TNN: variants seen among roughly 807,000 people sequenced by gnomAD.
TNN encodes tenascin-N.
A neutral mutation model predicts 134.4 loss-of-function variants in TNN; 122 were observed. That is an observed-to-expected ratio of 0.91 (90% CI 0.78 to 1.06). The LOEUF is 1.06. Ranked by LOEUF, TNN falls within the 50% of genes least tolerant of loss-of-function variation. The pLI is 0.00. For synonymous variants in TNN, 710 were observed against 670.3 expected (o/e 1.06, Z -0.91); for missense variants, 1,739 against 1,699.4 (o/e 1.02, Z -0.41).
intron 9 of TNN, among the ~76,000 whole-genome samples, chr1:175,115,265 G>T (rs1340073466): frequency 2.6e-5 from 4 of 152,130 alleles, no homozygotes; most frequent in Non-Finnish European, 4.4e-5. Context: ...ATGCTGGATG[G>T]CCTCAACACC....
chr1:175,128,644 C>T lies in TNN; in HGVS notation c.3228C>T (p.Asn1076=). 6.2e-7 allele frequency: 1 copy of T among 1,614,020 alleles called. No homozygotes were observed. The highest frequency in any genetic ancestry group is 1.7e-5 in the Admixed American group (1 of 60,004). ...HPSDCSQVQQ[N]SNAASGLYTI... ...CGGACTGCAGTCAGGTTCAGCAGAACAGCAATGCCGCCAGTGGTCTGTACA... is the reference window on the plus strand; with the variant it reads ...CGGACTGCAGTCAGGTTCAGCAGAATAGCAATGCCGCCAGTGGTCTGTACA... Residue 1076 remains asparagine, a synonymous_variant, in exon 15 of 19, where the codon AAC becomes AAT. Coordinates refer to ENST00000239462, the MANE Select transcript of TNN (RefSeq NM_022093.2).
At position 175,147,342 on chromosome 1, in the gene TNN, T is replaced by G. The variant is rs1368558672; in HGVS notation, c.*271T>G. The G allele has an allele frequency of 6.2e-6, 2 of 321,806 alleles. No individual in the cohort carries two copies. The highest frequency in any genetic ancestry group is 1.1e-5 in the Non-Finnish European group (2 of 178,186). 19.9% of individuals were successfully genotyped at this position (321,806 alleles called of 1,614,324 possible). On this transcript the variant is annotated 3_prime_UTR_variant, in exon 19 of 19. Transcript: ENST00000239462. ...TTCTCAGCTTATCTTCAGCAACATA[T>G]ATACTGGATTAGGGCAAGAGAAGGA...
At chr1:175,144,606 A>G (rs1676021140) in intron 18 of TNN, 56 bp downstream of exon 18, 1 of 1,567,742 alleles carries the variant, frequency 6.4e-7, no homozygotes, top group South Asian at 1.2e-5. Flanking sequence ...TTCAGCTTCC[A>G]AATGGACACC....
intron 15 of TNN, among the ~76,000 whole-genome samples, chr1:175,131,780 A>G (rs1171471180): frequency 6.6e-6 from 1 of 152,196 alleles, no homozygotes; most frequent in African/African-American, 2.4e-5. Context: ...TTAATCTAAC[A>G]GTTTAGAAAA....
rs1181791297 is a variant in TNN at position 175,083,860 on chromosome 1, C to T, written c.1159C>T (p.Pro387Ser). Reference sequence around the variant, plus strand: ...GGACTACTACAAGCTGCGATATGGCCCCATGACAGGACAGGAGGTAGCTGA... The same window carrying T: ...GGACTACTACAAGCTGCGATATGGCTCCATGACAGGACAGGAGGTAGCTGA... Reference protein sequence around the residue: ...EVDYYKLRYGPMTGQEVAEVT... With the variant: ...EVDYYKLRYGSMTGQEVAEVT... The change falls in exon 5 of 19, where the codon CCC (proline) becomes TCC (serine). Residue 387 changes from proline (P) to serine (S), a missense_variant. Coordinates refer to ENST00000239462, the MANE Select transcript of TNN (RefSeq NM_022093.2). The T allele has an allele frequency of 1.2e-6, 2 of 1,614,150 alleles. No individual in the cohort carries two copies. Among genetic ancestry groups the T allele is most frequent in the Non-Finnish European group, 1.7e-6 (2 of 1,180,028 alleles).
chr1:175,075,516 G>A (rs948559548), intron 1 of TNN, among the ~76,000 whole-genome samples: 5 of 152,122 alleles, frequency 3.3e-5, no homozygotes, highest in African/African-American at 7.2e-5. Context: ...GACTGGTCTC[G>A]AACTCCTGGC....
At chr1:175,095,722 C>T (rs930871340) in intron 7 of TNN, among the ~76,000 whole-genome samples, 6 of 152,138 alleles carry the variant, frequency 3.9e-5, no homozygotes, top group African/African-American at 1.2e-4. Flanking sequence ...TTCAGGCACC[C>T]GCCACCACGC....
At position 175,098,513 on chromosome 1, in the gene TNN, A is replaced by G. The variant is rs61739659; in HGVS notation, c.2037A>G (p.Arg679=). The part of the protein sequence containing the change: ...EQSSTVLTGL[R]PGMEYMVHVW... ...GCAGCACAGTCCTGACAGGCCTGAG[A>G]CCGGGTATGGAGTACATGGTGCACG... The change falls in exon 9 of 19, where the codon AGA becomes AGG. Residue 679 remains arginine (R), a synonymous_variant. Transcript: ENST00000239462. The G allele has an allele frequency of 2.3e-3, 3,771 of 1,614,070 alleles. 74 individuals carry two copies. The African/African-American group carries it at 0.045, about 19-fold the overall frequency.
intron 17 of TNN, among the ~76,000 whole-genome samples, chr1:175,143,434 G>A (rs1309090390): frequency 2.0e-5 from 3 of 152,116 alleles, no homozygotes; most frequent in Non-Finnish European, 4.4e-5. Context: ...AATTAAAGCA[G>A]TTTTCCAGAT....
intron 17 of TNN, among the ~76,000 whole-genome samples, chr1:175,137,747 G>A (rs1320980257): frequency 6.6e-6 from 1 of 152,016 alleles, no homozygotes; most frequent in Non-Finnish European, 1.5e-5. Context: ...CAAGTGTTTT[G>A]ACATTTGCCT....
intron 1 of TNN, among the ~76,000 whole-genome samples, chr1:175,074,287 A>C (rs1397786768): frequency 1.3e-5 from 2 of 152,124 alleles, no homozygotes; most frequent in African/African-American, 4.8e-5. Context: ...ATTCGAGACC[A>C]GGTTGGGCAA....
chr1:175,146,476 G>A (rs768899590), intron 18 of TNN, among the ~76,000 whole-genome samples: 27 of 152,166 alleles, frequency 1.8e-4, no homozygotes, highest in Non-Finnish European at 3.2e-4. Flanking sequence ...TTACCCCAGA[G>A]CTAATATCTA....
Position 175,103,641 on chromosome 1 carries a change from CT to C in TNN, c.2119+5055del, listed in dbSNP as rs1304189132. Among the ~76,000 whole-genome samples the C allele has an allele frequency of 2.3e-4, 33 of 143,440 alleles. 3 individuals carry two copies. The highest frequency in any genetic ancestry group is 8.1e-4 in the African/African-American group (32 of 39,594). The allele number at this position is 143,440 out of a possible 152,430, so 94.1% of individuals were successfully genotyped here. ...TCTTTGTCTTTTCCTTTCTTCTTAA[CT>C]TTTTTTTTGACTTTCTGTGTCTGTC... is the stretch of plus-strand genomic sequence containing the variant. On this transcript the variant is annotated intron_variant, in intron 9 of 18. Transcript: ENST00000239462.
intron 9 of TNN, among the ~76,000 whole-genome samples, chr1:175,112,598 CTTTTTTTTTTTTTTTTTTTTT>C (rs767531767): frequency 9.1e-5 from 2 of 21,974 alleles, no homozygotes; most frequent in Admixed American, 8.2e-4. Flanking sequence ...GCCGGCCGAT[CTTTTTTTTTTTTTTTTTTTTT>C]TTTTTTTTTT....
chr1:175,107,687 T>G (rs541550777), intron 9 of TNN, among the ~76,000 whole-genome samples: 29,586 of 128,780 alleles, frequency 0.23, 4,240 homozygotes, highest in African/African-American at 0.3. Context: ...TTATTGTCTT[T>G]TCTGGCCCCA....
chr1:175,086,551 G>A (rs1387694060), intron 6 of TNN, among the ~76,000 whole-genome samples: 1 of 152,202 alleles, frequency 6.6e-6, no homozygotes, highest in Non-Finnish European at 1.5e-5. Context: ...TAAAGAAGGA[G>A]TCTTTGAGTT....
chr1:175,105,014 A>G (rs1457746328), intron 9 of TNN, among the ~76,000 whole-genome samples: 1 of 145,724 alleles, frequency 6.9e-6, no homozygotes, highest in Non-Finnish European at 1.5e-5. Context: ...CATACTGGGG[A>G]TGGCTTGCTG....
chr1:175,135,026 C>T (rs1360789200), intron 15 of TNN, among the ~76,000 whole-genome samples: 1 of 152,158 alleles, frequency 6.6e-6, no homozygotes, highest in East Asian at 1.9e-4. Context: ...CCCTTTCCAT[C>T]CCTTCCTCAG....
At chr1:175,108,595 C>G (rs1052540202) in intron 9 of TNN, among the ~76,000 whole-genome samples, 70 of 152,360 alleles carry the variant, frequency 4.6e-4, no homozygotes, top group African/African-American at 1.7e-3. Context: ...GGTCTCGAGC[C>G]CTGCCCCGTG....
Sources: allele counts gnomAD v4.1 joint callset (sites outside exome capture counted in the v4.1 genomes callset), GRCh38; gene constraint gnomAD v4.1.1; transcripts MANE v1.5; gene names NCBI Gene and HGNC (gene_info 2026-07-23, HGNC 2026-07-21).